The following PRICKLE1 variants were observed in gnomAD, a reference collection of about 807,000 sequenced individuals.
PRICKLE1 encodes the protein prickle planar cell polarity protein 1.
Under a neutral mutation model 70.2 loss-of-function variants are expected in PRICKLE1, and 14 were observed. The observed-to-expected ratio is 0.20, with a 90% confidence interval of 0.13 to 0.31. The LOEUF (loss-of-function observed/expected upper bound fraction) is 0.31. Among genes scored for constraint, PRICKLE1 ranks in the 10% least tolerant of loss-of-function variants. The probability of loss-of-function intolerance (pLI) is 1.00; values close to 1 mark genes in which losing one functional copy is unlikely to be tolerated. For missense variants in PRICKLE1, 821 were observed against 1,026.2 expected, an observed-to-expected ratio of 0.80 and a Z score of 2.73; for synonymous variants, 357 against 379.9, an observed-to-expected ratio of 0.94 and a Z score of 0.70.
intron 1 of PRICKLE1, among the ~76,000 whole-genome samples, chr12:42,544,191 C>T (rs1416397709): frequency 3.3e-5 from 5 of 152,206 alleles, no homozygotes; most frequent in Non-Finnish European, 7.3e-5. Context: ...CATCAAGAAA[C>T]ATACTAGGCT....
chr12:42,530,340 T>A (rs1939888845), intron 1 of PRICKLE1, among the ~76,000 whole-genome samples: 1 of 152,196 alleles, frequency 6.6e-6, no homozygotes, highest in Non-Finnish European at 1.5e-5. Context: ...TATGAAACAC[T>A]AATGGTGAAC....
chr12:42,467,002 G>A (rs568371938), intron 5 of PRICKLE1, among the ~76,000 whole-genome samples: 34 of 152,328 alleles, frequency 2.2e-4, no homozygotes, highest in African/African-American at 7.9e-4. Context: ...TCTGCCTTCT[G>A]AGTAGCTGGG....
intron 1 of PRICKLE1, among the ~76,000 whole-genome samples, chr12:42,480,952 G>A (rs905853700): frequency 6.6e-6 from 1 of 152,196 alleles, no homozygotes; most frequent in Non-Finnish European, 1.5e-5. Context: ...TGATGGTCAG[G>A]AAAAAGATAA....
intron 1 of PRICKLE1, among the ~76,000 whole-genome samples, chr12:42,474,361 G>A (rs903377102): frequency 1.3e-5 from 2 of 152,158 alleles, no homozygotes; most frequent in African/African-American, 4.8e-5. Flanking sequence ...CATTGTAACA[G>A]TTCATAAATG....
rs1937782254 is a variant in PRICKLE1, at chr12:42,460,462, G to A, written c.1843C>T (p.His615Tyr). The A allele has an allele frequency of 6.2e-7, 1 of 1,613,820 alleles. No individual in the cohort carries two copies. Among genetic ancestry groups the A allele is most frequent in the Admixed American group, 1.7e-5 (1 of 59,996 alleles). Residue 615 changes from histidine to tyrosine, a missense_variant, in exon 8 of 8, where the codon CAT (histidine) becomes TAT (tyrosine). Physicochemically the swap from His to Tyr is moderately conservative, Grantham distance 83. Transcript: ENST00000345127. ...EKILPEEKPV[H>Y]LPVLRRSKSQ... Reference sequence around the variant, plus strand: ...TTGGACCTTCTGAGCACTGGCAGATGTACTGGCTTCTCTTCAGGCAGGATT... The same window carrying A: ...TTGGACCTTCTGAGCACTGGCAGATATACTGGCTTCTCTTCAGGCAGGATT...
chr12:42,559,970 C>T (rs1358902910), intron 1 of PRICKLE1, among the ~76,000 whole-genome samples: 1 of 151,866 alleles, frequency 6.6e-6, no homozygotes, highest in African/African-American at 2.4e-5. Flanking sequence ...GTTCCCTAAA[C>T]ATTATTTCAC....
Position 42,460,413 on chromosome 12 carries a change from A to C in PRICKLE1, c.1892T>G (p.Val631Gly). 1 of 1,614,060 alleles carries C rather than the reference A, an allele frequency of 6.2e-7. No individual in the cohort carries two copies. The highest frequency in any genetic ancestry group is 8.5e-7 in the Non-Finnish European group (1 of 1,180,006). ...GTCAATGACATCATCAGAAAACTTG[A>C]CCTGCTGGGGTCTGGATTGAGACTT... ...RSKSQSRPQQVKFSDDVIDNG... is the reference protein window; with the variant it reads ...RSKSQSRPQQGKFSDDVIDNG... Residue 631 changes from valine (V) to glycine (G), a missense_variant, in exon 8 of 8, where the codon GTC becomes GGC. Transcript: ENST00000345127.
At chr12:42,543,790 G>A (rs1452370923) in intron 1 of PRICKLE1, among the ~76,000 whole-genome samples, 1 of 151,948 alleles carries the variant, frequency 6.6e-6, no homozygotes, top group Non-Finnish European at 1.5e-5. Context: ...CAAAGTGCTG[G>A]GATTACAGGC....
intron 1 of PRICKLE1, among the ~76,000 whole-genome samples, chr12:42,495,717 T>C (rs774502899): frequency 1.3e-5 from 2 of 151,988 alleles, no homozygotes; most frequent in Non-Finnish European, 2.9e-5. Flanking sequence ...GCCTCCTGAG[T>C]AGCTGGGACT....
Position 42,460,273 on chromosome 12 carries a change from T to C in PRICKLE1, c.2032A>G (p.Ser678Gly). 1.2e-6 allele frequency: 2 copies of C among 1,614,196 alleles called. No individual in the cohort carries two copies. The highest frequency in any genetic ancestry group is 1.7e-6 in the Non-Finnish European group (2 of 1,180,028). Reference protein sequence around the residue: ...SRSHHHRRRRSRKSRSDNALN... With the variant: ...SRSHHHRRRRGRKSRSDNALN... Reference sequence around the variant, plus strand: ...GCATTGTCGGAGCGGGACTTTCTACTTCTCCGGCGGCGGTGGTGATGAGAC... The same window carrying C: ...GCATTGTCGGAGCGGGACTTTCTACCTCTCCGGCGGCGGTGGTGATGAGAC... The change falls in exon 8 of 8, where the codon AGT (serine) becomes GGT (glycine). Residue 678 changes from serine to glycine, a missense_variant. Ser to Gly is a moderately conservative substitution (Grantham distance 56). Coordinates refer to ENST00000345127, the MANE Select transcript of PRICKLE1 (RefSeq NM_153026.3).
chr12:42,480,008 G>T (rs186366106), intron 1 of PRICKLE1, among the ~76,000 whole-genome samples: 3 of 152,094 alleles, frequency 2.0e-5, no homozygotes, highest in Non-Finnish European at 4.4e-5. Context: ...GTGGTGGCAC[G>T]TGTAAAAATT....
chr12:42,502,200 C>A (rs182498268), intron 1 of PRICKLE1, among the ~76,000 whole-genome samples: 2 of 150,372 alleles, frequency 1.3e-5, no homozygotes, highest in African/African-American at 5.0e-5. Flanking sequence ...TATATACACA[C>A]ACACCTATAT....
intron 1 of PRICKLE1, among the ~76,000 whole-genome samples, chr12:42,557,098 C>T (rs1038021776): frequency 6.6e-6 from 1 of 152,078 alleles, no homozygotes; most frequent in Non-Finnish European, 1.5e-5. Flanking sequence ...GGGACTACCA[C>T]CTTGCCTGGC....
chr12:42,585,057 A>G (rs886202413), intron 1 of PRICKLE1, among the ~76,000 whole-genome samples: 1 of 151,732 alleles, frequency 6.6e-6, no homozygotes, highest in Non-Finnish European at 1.5e-5. Context: ...CTGAAGTGTA[A>G]TCCACTAGAA....
rs1391340478 is a variant in PRICKLE1 at position 42,468,740 on chromosome 12, A to G, written c.474T>C (p.Cys158=). The part of the protein sequence containing the change: ...GVCWHPSCFV[C]FTCNELLVDL... Reference sequence around the variant, plus strand: ...CGACCAGCAGCTCATTACACGTGAAACAGACAAAACAGGATGGGTGCCAGC... The same window carrying G: ...CGACCAGCAGCTCATTACACGTGAAGCAGACAAAACAGGATGGGTGCCAGC... Residue 158 remains cysteine (C), a synonymous_variant, in exon 5 of 8, where the codon TGT becomes TGC. Transcript: ENST00000345127. 2.5e-6 allele frequency: 4 copies of G among 1,614,154 alleles called. No homozygotes were observed. In the South Asian group the frequency reaches 3.3e-5, roughly 13 times the overall value.
At position 42,459,734 on chromosome 12, in the gene PRICKLE1, T is replaced by C. The variant is rs542130236; in HGVS notation, c.*75A>G. On this transcript the variant is annotated 3_prime_UTR_variant, in exon 8 of 8. Coordinates refer to ENST00000345127, the MANE Select transcript of PRICKLE1 (RefSeq NM_153026.3). ...GCACTTTAAACTATTTTCACAACTTTCCTACGGAAGAAAAGGAAACGATTC... is the reference window on the plus strand; with the variant it reads ...GCACTTTAAACTATTTTCACAACTTCCCTACGGAAGAAAAGGAAACGATTC... 10 of 1,572,024 alleles carry C rather than the reference T, an allele frequency of 6.4e-6. No homozygotes were observed. The Admixed American group carries it at 6.7e-5, about 11-fold the overall frequency.
chr12:42,457,445 C>T lies in PRICKLE1; in HGVS notation c.*2364G>A, dbSNP rs560160405. 3.9e-5 allele frequency: 6 copies of T among 152,284 alleles called. No individual in the cohort carries two copies. The South Asian group carries it at 1.2e-3, about 32-fold the overall frequency. The allele number at this position is 152,284 out of a possible 1,614,324, so 9.4% of individuals were successfully genotyped here. A position where few individuals can be genotyped will look rare whatever the true frequency, so the allele number is the denominator to read the frequency against. ...GCAGCACAGGTTCTGAAAATTTCTT[C>T]AAAATCAAGAAATCTGCTAATACAT... On this transcript the variant is annotated 3_prime_UTR_variant, in exon 8 of 8. Coordinates refer to ENST00000345127, the MANE Select transcript of PRICKLE1 (RefSeq NM_153026.3).
intron 1 of PRICKLE1, among the ~76,000 whole-genome samples, chr12:42,512,002 C>G (rs1939520907): frequency 6.6e-6 from 1 of 152,174 alleles, no homozygotes; most frequent in South Asian, 2.1e-4. Context: ...TCCCCTTACA[C>G]CATCATTCTA....
chr12:42,561,102 A>G lies in PRICKLE1; in HGVS notation c.-49+28363T>C, dbSNP rs546808200. Among the ~76,000 whole-genome samples the G allele has an allele frequency of 1.1e-4, 17 of 152,350 alleles. 1 individual carries two copies. Among genetic ancestry groups the G allele is most frequent in the African/African-American group, 3.8e-4 (16 of 41,592 alleles). ...ATGTTAGGGAAGTGACTTAGAGGTT[A>G]GACTTCAACAAACCAACACCCTTCA... is the stretch of plus-strand genomic sequence containing the variant. On this transcript the variant is annotated intron_variant, in intron 1 of 7. Transcript: ENST00000345127.
Sources: gnomAD v4.1 joint callset for allele counts (sites outside exome capture counted in the v4.1 genomes callset) on GRCh38, gnomAD v4.1.1 for gene constraint, MANE v1.5 for transcripts, NCBI Gene and HGNC (gene_info 2026-07-23, HGNC 2026-07-21) for gene names.